The following SYT12 variants were observed in gnomAD, a reference collection of about 807,000 sequenced individuals.
SYT12 encodes synaptotagmin 12.
SYT12 carries 27 observed loss-of-function variants against 39.5 expected under a neutral mutation model. That is an observed-to-expected ratio of 0.68 (90% CI 0.50 to 0.94). The LOEUF (loss-of-function observed/expected upper bound fraction) is 0.94, where lower values mean the gene tolerates loss of function less well. SYT12 is among the 40% of genes least tolerant of loss of function. The pLI is 0.00. For missense variants in SYT12, 536 were observed against 572.6 expected (o/e 0.94, Z 0.65); for synonymous variants, 233 against 239.7 (o/e 0.97, Z 0.26).
At chr11:67,047,669 G>A (rs1051674285) in intron 7 of SYT12, among the ~76,000 whole-genome samples, 7 of 150,362 alleles carry the variant, frequency 4.7e-5, no homozygotes, top group Non-Finnish European at 5.9e-5. Context: ...GAGGCCAGGC[G>A]TGGTGGCTCA....
intron 3 of SYT12, among the ~76,000 whole-genome samples, chr11:67,015,033 C>G (rs558835602): frequency 6.6e-6 from 1 of 152,350 alleles, no homozygotes; most frequent in Non-Finnish European, 1.5e-5. Context: ...GCCAAACTTT[C>G]TAGATGCAAG....
chr11:67,008,424 C>T (rs1949988053), intron 1 of SYT12, among the ~76,000 whole-genome samples: 1 of 152,132 alleles, frequency 6.6e-6, no homozygotes, highest in Non-Finnish European at 1.5e-5. Context: ...AGTTCTTGCT[C>T]TGTTGCCCAG....
intron 3 of SYT12, among the ~76,000 whole-genome samples, chr11:67,036,662 G>A (rs1438788698): frequency 2.6e-5 from 4 of 152,180 alleles, no homozygotes; most frequent in African/African-American, 9.7e-5. Context: ...CAGGCCTGGT[G>A]TGGTGGCTCA....
chr11:67,036,840 A>G (rs1950390932), intron 3 of SYT12, among the ~76,000 whole-genome samples: 1 of 152,086 alleles, frequency 6.6e-6, no homozygotes, highest in Admixed American at 6.5e-5. Flanking sequence ...TTGAGAGGCT[A>G]AGACTGGTGG....
At chr11:67,013,348 C>G (rs919218503) in intron 3 of SYT12, among the ~76,000 whole-genome samples, 2 of 152,228 alleles carry the variant, frequency 1.3e-5, no homozygotes, top group Admixed American at 1.3e-4. Flanking sequence ...TGCCTCCCTG[C>G]AGCTTCCTCA....
chr11:67,037,037 C>T (rs747378216), intron 3 of SYT12, among the ~76,000 whole-genome samples: 1 of 152,196 alleles, frequency 6.6e-6, no homozygotes, highest in Non-Finnish European at 1.5e-5. Flanking sequence ...CACGCCATTG[C>T]ACTCCAAGCC....
intron 3 of SYT12, among the ~76,000 whole-genome samples, chr11:67,011,857 C>G (rs886276725): frequency 6.6e-6 from 1 of 151,960 alleles, no homozygotes; most frequent in African/African-American, 2.4e-5. Context: ...CCTCTGCCTC[C>G]CGGGTTCAAG....
intron 3 of SYT12, among the ~76,000 whole-genome samples, chr11:67,014,788 A>G (rs1363455450): frequency 6.6e-6 from 1 of 152,090 alleles, no homozygotes; most frequent in African/African-American, 2.4e-5. Flanking sequence ...TCCGTGGCCC[A>G]CAAACCTGGC....
In SYT12 at chr11:67,039,938, A is replaced by T; in HGVS notation, c.356A>T (p.Glu119Val). 6.2e-7 allele frequency: 1 copy of T among 1,613,660 alleles called. No homozygotes were observed. The highest frequency in any genetic ancestry group is 8.5e-7 in the Non-Finnish European group (1 of 1,180,014). ...GGGCCTCTGGAGCTGATGGGCCGGG[A>T]GTTGGACCTGGCCCCCTATGGGACC... ...ELGPLELMGR[E>V]LDLAPYGTLR... The change falls in exon 4 of 8, where the codon GAG becomes GTG. Residue 119 changes from glutamate to valine, a missense_variant. Coordinates refer to ENST00000527043, the MANE Select transcript of SYT12 (RefSeq NM_177963.4).
chr11:67,014,465 G>A (rs1010789481), intron 3 of SYT12, among the ~76,000 whole-genome samples: 4 of 152,244 alleles, frequency 2.6e-5, no homozygotes, highest in Admixed American at 1.3e-4. Context: ...CCAAGGGCTG[G>A]CTTCCCTGAC....
At chr11:67,044,857 A>G in intron 6 of SYT12, 144 bp downstream of exon 6, 3 of 1,207,246 alleles carry the variant, frequency 2.5e-6, no homozygotes, top group Non-Finnish European at 3.5e-6. Flanking sequence ...CCCAGAAGTC[A>G]TGCAGATGGA....
chr11:67,030,426 A>G (rs1482268901), intron 2 of SYT12: 13 of 509,702 alleles, frequency 2.6e-5, no homozygotes, highest in Non-Finnish European at 4.2e-5. Flanking sequence ...TCTCTCTTTC[A>G]CTTGAAAGGG....
chr11:67,040,180 G>A lies in SYT12; in HGVS notation c.598G>A (p.Glu200Lys), dbSNP rs751374817. ...CFMRVSLLPD[E>K]QIVGISRIQR... ...CATGCGCGTCAGCCTGCTGCCGGAC[G>A]AGCAGATCGTGGGCATTTCTCGGGT... The change falls in exon 4 of 8, where the codon GAG (glutamate) becomes AAG (lysine). Residue 200 changes from glutamate to lysine, a missense_variant. By Grantham distance (56) the Glu-to-Lys change is moderately conservative. Transcript: ENST00000527043. The A allele has an allele frequency of 1.0e-5, 16 of 1,583,742 alleles. No homozygotes were observed. The highest frequency in any genetic ancestry group is 2.3e-5 in the South Asian group (2 of 86,206).
Position 67,034,707 on chromosome 11 carries a change from G to T in SYT12, c.97G>T (p.Gly33Ter). The change falls in exon 3 of 8, where the codon GGA (glycine) becomes TGA (stop). Residue 33 changes from glycine to a stop codon, truncating the protein, a stop_gained. Transcript: ENST00000527043. LOFTEE classifies it high-confidence loss of function. ...VYAAGALALL[G>*]IAAVSLWKLW... ...TGCTGCAGGGGCCCTGGCCCTGCTGGGAATCGCAGCTGTGAGCCTGTGGAA... is the reference window on the plus strand; with the variant it reads ...TGCTGCAGGGGCCCTGGCCCTGCTGTGAATCGCAGCTGTGAGCCTGTGGAA... The T allele has an allele frequency of 6.2e-7, 1 of 1,602,662 alleles. No individual in the cohort carries two copies. Among genetic ancestry groups the T allele is most frequent in the South Asian group, 1.1e-5 (1 of 89,104 alleles).
intron 3 of SYT12, among the ~76,000 whole-genome samples, chr11:67,038,163 A>C (rs1358848257): frequency 1.3e-5 from 2 of 151,268 alleles, no homozygotes; most frequent in South Asian, 2.1e-4. Context: ...TTATTTATTT[A>C]TTTATTTATT....
chr11:67,040,038 A>G lies in SYT12; in HGVS notation c.456A>G (p.Thr152=). The change falls in exon 4 of 8, where the codon ACA becomes ACG. Residue 152 remains threonine, a synonymous_variant. Coordinates refer to ENST00000527043, the MANE Select transcript of SYT12 (RefSeq NM_177963.4). ...SVSNTFGQDF[T]LGQVEVSMEY... ...GCAACACCTTTGGGCAGGACTTCAC[A>G]CTGGGCCAGGTGGAGGTGAGCATGG... is the stretch of plus-strand genomic sequence containing the variant. 1.9e-6 allele frequency: 3 copies of G among 1,613,920 alleles called. No homozygotes were observed. Among genetic ancestry groups the G allele is most frequent in the Non-Finnish European group, 2.5e-6 (3 of 1,180,020 alleles).
rs1354082613 is a variant in SYT12 at position 67,040,000 on chromosome 11, A to G, written c.418A>G (p.Ile140Val). The change falls in exon 4 of 8, where the codon ATC (isoleucine) becomes GTC (valine). Residue 140 changes from isoleucine (I) to valine (V), a missense_variant. Physicochemically the swap from Ile to Val is conservative, Grantham distance 29. Coordinates refer to ENST00000527043, the MANE Select transcript of SYT12 (RefSeq NM_177963.4). Reference sequence around the variant, plus strand: ...CCAGTCGGCCGACTCCCTGAACTCCATCTCCTCCGTGAGCAACACCTTTGG... The same window carrying G: ...CCAGTCGGCCGACTCCCTGAACTCCGTCTCCTCCGTGAGCAACACCTTTGG... ...KSQSADSLNS[I>V]SSVSNTFGQD... 3.7e-6 allele frequency: 6 copies of G among 1,613,794 alleles called. No individual in the cohort carries two copies. In the Admixed American group the frequency reaches 6.7e-5, roughly 18 times the overall value.
At chr11:67,017,859 C>G (rs1402338985) in intron 3 of SYT12, among the ~76,000 whole-genome samples, 7 of 151,318 alleles carry the variant, frequency 4.6e-5, no homozygotes, top group Non-Finnish European at 7.4e-5. Context: ...ACTCAGGAGG[C>G]TGAGACAGGA....
intron 4 of SYT12, among the ~76,000 whole-genome samples, chr11:67,043,001 C>T (rs978222917): frequency 2.6e-5 from 4 of 152,172 alleles, no homozygotes; most frequent in Non-Finnish European, 4.4e-5. Flanking sequence ...GGGATGAGAG[C>T]GCCTTTCTTT....
Sources: gnomAD v4.1 joint callset for allele counts (sites outside exome capture counted in the v4.1 genomes callset) on GRCh38, gnomAD v4.1.1 for gene constraint, MANE v1.5 for transcripts, NCBI Gene and HGNC (gene_info 2026-07-23, HGNC 2026-07-21) for gene names.